OR56A3: variants seen among roughly 807,000 people sequenced by gnomAD.
OR56A3 encodes olfactory receptor 56A3.
OR56A3 carries 23 observed loss-of-function variants against 17.5 expected under a neutral mutation model. The ratio of observed to expected loss-of-function variants is 1.32; its 90% CI spans 0.95 to 1.87. The LOEUF (loss-of-function observed/expected upper bound fraction) is 1.87, where lower values mean the gene tolerates loss of function less well. OR56A3 is among the 40% of genes most tolerant of loss of function. The pLI is 0.00. For synonymous variants in OR56A3, 175 were observed against 150.6 expected (o/e 1.16, Z -1.19); for missense variants, 366 against 380.1 (o/e 0.96, Z 0.31).
At chr11:6,010,666 G>A in the OR56A3 span, among the ~76,000 whole-genome samples, 1 of 152,134 alleles carries the variant, frequency 6.6e-6, no homozygotes, top group African/African-American at 2.4e-5. Context: ...CCCAGCCTCA[G>A]GTAGTTTGTC....
chr11:5,989,653 T>TA, the OR56A3 span, among the ~76,000 whole-genome samples: 8 of 152,044 alleles, frequency 5.3e-5, no homozygotes, highest in East Asian at 3.9e-4. Context: ...GGATAAGGCA[T>TA]AAAAAAATCC....
the OR56A3 span, among the ~76,000 whole-genome samples, chr11:5,977,041 C>T: frequency 6.6e-6 from 1 of 152,144 alleles, no homozygotes; most frequent in Non-Finnish European, 1.5e-5. Context: ...CTGCAAAGGA[C>T]ATGATTTCAC....
At chr11:5,962,531 CT>C in the OR56A3 span, among the ~76,000 whole-genome samples, 27,749 of 128,004 alleles carry the variant, frequency 0.22, 2,046 homozygotes, top group East Asian at 0.38. Context: ...CTGGGCTTTT[CT>C]TTTTTTTTTT....
the OR56A3 span, among the ~76,000 whole-genome samples, chr11:5,991,153 A>T: frequency 6.6e-6 from 1 of 152,248 alleles, no homozygotes; most frequent in South Asian, 2.1e-4. Flanking sequence ...CAAAGATATG[A>T]AACATGAGTA....
intron 2 of OR56A3, among the ~76,000 whole-genome samples, chr11:5,945,814 C>A (rs1417004891): frequency 6.6e-6 from 1 of 151,968 alleles, no homozygotes; most frequent in Admixed American, 6.6e-5. Flanking sequence ...GCACAGTTCC[C>A]AGCAAGTAGA....
chr11:5,969,268 G>C, the OR56A3 span, among the ~76,000 whole-genome samples: 1 of 152,156 alleles, frequency 6.6e-6, no homozygotes, highest in Non-Finnish European at 1.5e-5. Context: ...ACATATTCAT[G>C]ACAATAACCT....
the OR56A3 span, among the ~76,000 whole-genome samples, chr11:5,977,448 C>T: frequency 2.0e-5 from 3 of 152,040 alleles, no homozygotes; most frequent in African/African-American, 7.2e-5. Context: ...TTGATTTTCA[C>T]TTCTTTAATG....
the OR56A3 span, among the ~76,000 whole-genome samples, chr11:5,972,893 G>T: frequency 3.9e-5 from 6 of 152,136 alleles, no homozygotes; most frequent in East Asian, 9.6e-4. Flanking sequence ...CACCGTGCCC[G>T]GCAGGGAACA....
At chr11:5,998,479 G>C in the OR56A3 span, among the ~76,000 whole-genome samples, 1 of 152,184 alleles carries the variant, frequency 6.6e-6, no homozygotes, top group South Asian at 2.1e-4. Flanking sequence ...AAGGGAGAGC[G>C]GCAGACAAAA....
chr11:6,005,601 A>G, the OR56A3 span, among the ~76,000 whole-genome samples: 2 of 152,350 alleles, frequency 1.3e-5, no homozygotes, highest in African/African-American at 2.4e-5. Flanking sequence ...ACAAAATGCC[A>G]TAAACTGGGT....
chr11:5,981,393 G>T, the OR56A3 span, among the ~76,000 whole-genome samples: 1 of 152,100 alleles, frequency 6.6e-6, no homozygotes, highest in African/African-American at 2.4e-5. Context: ...TTGTTTGAAT[G>T]AATTGATTCA....
chr11:6,012,094 A>G, the OR56A3 span, among the ~76,000 whole-genome samples: 1 of 152,212 alleles, frequency 6.6e-6, no homozygotes, highest in East Asian at 1.9e-4. Flanking sequence ...AGCAAGGAGC[A>G]TGTTTCAGCC....
chr11:6,001,833 C>T, the OR56A3 span: 54 of 480,552 alleles, frequency 1.1e-4, 1 homozygote, highest in Middle Eastern at 2.1e-3. Flanking sequence ...TCCAAAGTAA[C>T]CATAGAATCC....
chr11:5,967,700 G>T, the OR56A3 span: 12 of 1,613,584 alleles, frequency 7.4e-6, no homozygotes, highest in East Asian at 2.7e-4. Context: ...TCCTGGCCAG[G>T]TTAGTGATGA....
the OR56A3 span, chr11:6,020,122 T>C: frequency 2.0e-5 from 3 of 152,054 alleles, no homozygotes; most frequent in South Asian, 6.2e-4. Flanking sequence ...CAACGGCATC[T>C]CTTGACAGAC....
chr11:5,942,649 G>A (rs1180002913), intron 1 of OR56A3, among the ~76,000 whole-genome samples: 1 of 152,190 alleles, frequency 6.6e-6, no homozygotes, highest in African/African-American at 2.4e-5. Flanking sequence ...AGAGGTTGAA[G>A]ACAAAGACCA....
At chr11:5,997,638 G>C in the OR56A3 span, among the ~76,000 whole-genome samples, 1 of 152,166 alleles carries the variant, frequency 6.6e-6, no homozygotes, top group African/African-American at 2.4e-5. Flanking sequence ...AAACATCACG[G>C]AGACTTGAGG....
chr11:5,982,072 T>G, the OR56A3 span, among the ~76,000 whole-genome samples: 1 of 152,076 alleles, frequency 6.6e-6, no homozygotes, highest in Non-Finnish European at 1.5e-5. Context: ...GCAACAACAG[T>G]CCAGTGGAGG....
Position 5,950,680 on chromosome 11 carries a change from A to G in OR56A3, c.*2386A>G, listed in dbSNP as rs1468615207. The stretch of plus-strand genomic sequence containing the variant: ...TTTAGTCCAACATATCCAAAATATT[A>G]TCATTTCAACACATAACAAATACAA... On this transcript the variant is annotated 3_prime_UTR_variant, in exon 3 of 3. Transcript: ENST00000641160. The G allele has an allele frequency of 6.6e-6, 1 of 152,158 alleles. No homozygotes were observed. The highest frequency in any genetic ancestry group is 1.5e-5 in the Non-Finnish European group (1 of 67,978). 9.4% of individuals were successfully genotyped at this position (152,158 alleles called of 1,614,324 possible).
Sources: allele counts gnomAD v4.1 joint callset (sites outside exome capture counted in the v4.1 genomes callset), GRCh38; gene constraint gnomAD v4.1.1; transcripts MANE v1.5; gene names NCBI Gene and HGNC (gene_info 2026-07-23, HGNC 2026-07-21).